MTREX: variants seen among roughly 807,000 people sequenced by gnomAD.
MTREX encodes the protein exosome RNA helicase MTR4.
A neutral mutation model predicts 135.4 loss-of-function variants in MTREX; 76 were observed. The observed-to-expected ratio is 0.56, with a 90% CI of 0.47 to 0.68. The LOEUF (loss-of-function observed/expected upper bound fraction) is 0.68, where lower values mean the gene tolerates loss of function less well. MTREX is among the 30% of genes least tolerant of loss of function. The pLI is 0.00. For synonymous variants in MTREX, 404 were observed against 401.6 expected (o/e 1.01, Z -0.07); for missense variants, 920 against 1,262.1 (o/e 0.73, Z 4.11).
chr5:55,414,190 G>T lies in MTREX; in HGVS notation c.2760G>T (p.Glu920Asp). The T allele has an allele frequency of 6.4e-7, 1 of 1,568,030 alleles. No individual in the cohort carries two copies. Among genetic ancestry groups the T allele is most frequent in the African/African-American group, 1.4e-5 (1 of 71,782 alleles). Residue 920 changes from glutamate (E) to aspartate (D), a missense_variant, in exon 24 of 27, where the codon GAG (glutamate) becomes GAT (aspartate). Glu to Asp is a conservative substitution (Grantham distance 45). Transcript: ENST00000230640. ...TTCCTTTTCTTTTATAGTCTAGTGA[G>T]ATGCCCAAATTAACAGAACAATTAG... is the stretch of plus-strand genomic sequence containing the variant. ...SCFVFQENSS[E>D]MPKLTEQLAG...
At chr5:55,326,230 C>G (rs978282428) in intron 3 of MTREX, among the ~76,000 whole-genome samples, 1 of 151,936 alleles carries the variant, frequency 6.6e-6, no homozygotes, top group African/African-American at 2.4e-5. Context: ...AACCCCGTCT[C>G]TACTAAAAAT....
intron 15 of MTREX, among the ~76,000 whole-genome samples, chr5:55,361,819 C>T (rs988481680): frequency 3.4e-4 from 51 of 150,976 alleles, no homozygotes; most frequent in Non-Finnish European, 6.3e-4. Context: ...TCTCGATCTT[C>T]TGGGCTCAAG....
chr5:55,362,747 A>G (rs1750038259), intron 15 of MTREX, among the ~76,000 whole-genome samples: 1 of 152,208 alleles, frequency 6.6e-6, no homozygotes, highest in African/African-American at 2.4e-5. Context: ...TTCAAATGAA[A>G]AGTTGAGTAA....
intron 1 of MTREX, among the ~76,000 whole-genome samples, chr5:55,318,751 C>T (rs1196567326): frequency 2.6e-5 from 4 of 151,970 alleles, no homozygotes. Context: ...TCACATGTAC[C>T]CCAAACCTAA....
intron 14 of MTREX, among the ~76,000 whole-genome samples, chr5:55,355,977 T>C (rs562410357): frequency 6.6e-6 from 1 of 152,226 alleles, no homozygotes; most frequent in East Asian, 1.9e-4. Context: ...AGTCAAAGGG[T>C]TAGGGAGACA....
intron 19 of MTREX, among the ~76,000 whole-genome samples, chr5:55,391,266 A>G (rs1311581677): frequency 6.6e-6 from 1 of 151,934 alleles, no homozygotes; most frequent in Non-Finnish European, 1.5e-5. Flanking sequence ...ACATAGTGAA[A>G]CCCTGTCTGT....
chr5:55,319,242 T>G (rs976768164), intron 1 of MTREX, among the ~76,000 whole-genome samples: 4 of 152,232 alleles, frequency 2.6e-5, no homozygotes, highest in Non-Finnish European at 5.9e-5. Flanking sequence ...GATACAGTAC[T>G]GTTACCTAAT....
At chr5:55,357,480 C>G (rs1328728291) in intron 14 of MTREX, 1 of 156,600 alleles carries the variant, frequency 6.4e-6, no homozygotes, top group African/African-American at 2.4e-5. Flanking sequence ...TCCAGCTAGA[C>G]ATCGTTGGAT....
chr5:55,327,843 T>C (rs1237098362), intron 4 of MTREX, 65 bp downstream of exon 4: 3 of 1,206,042 alleles, frequency 2.5e-6, no homozygotes, highest in Non-Finnish European at 3.6e-6. Context: ...AAAATTCTTA[T>C]TTCAAATGAG....
intron 19 of MTREX, 61 bp downstream of exon 19, chr5:55,388,163 A>G: frequency 6.9e-7 from 1 of 1,453,930 alleles, no homozygotes; most frequent in Non-Finnish European, 9.4e-7. Context: ...TGTCATCACC[A>G]AAGTTCTCCA....
At chr5:55,400,948 C>T (rs1044976082) in intron 21 of MTREX, among the ~76,000 whole-genome samples, 7 of 152,158 alleles carry the variant, frequency 4.6e-5, no homozygotes, top group African/African-American at 1.7e-4. Flanking sequence ...TTTCAGTTAG[C>T]ATGTCTTCAG....
chr5:55,343,841 T>C (rs1048003024), intron 8 of MTREX, among the ~76,000 whole-genome samples: 15 of 152,150 alleles, frequency 9.9e-5, no homozygotes, highest in Non-Finnish European at 4.4e-5. Flanking sequence ...CTCTGGAGCA[T>C]TTGATTTGAT....
intron 5 of MTREX, among the ~76,000 whole-genome samples, chr5:55,331,344 G>A (rs1344108900): frequency 6.6e-6 from 1 of 152,114 alleles, no homozygotes; most frequent in Non-Finnish European, 1.5e-5. Flanking sequence ...GTATAGTTAA[G>A]TTACTTGGAA....
intron 19 of MTREX, among the ~76,000 whole-genome samples, chr5:55,396,342 G>A (rs982396610): frequency 4.6e-5 from 7 of 152,146 alleles, no homozygotes; most frequent in African/African-American, 1.7e-4. Context: ...AATCTGAATA[G>A]GGATTGTATA....
intron 1 of MTREX, among the ~76,000 whole-genome samples, chr5:55,315,019 G>T (rs537086003): frequency 1.3e-5 from 2 of 152,322 alleles, no homozygotes; most frequent in South Asian, 4.1e-4. Flanking sequence ...GCCATGAACT[G>T]CCCAGGGGTT....
intron 5 of MTREX, among the ~76,000 whole-genome samples, chr5:55,339,530 A>G (rs1749609460): frequency 1.3e-5 from 2 of 152,368 alleles, no homozygotes; most frequent in South Asian, 2.1e-4. Flanking sequence ...GAAATTTTCC[A>G]TAATCAGAAC....
chr5:55,335,000 C>G (rs1749532329), intron 5 of MTREX, among the ~76,000 whole-genome samples: 1 of 152,046 alleles, frequency 6.6e-6, no homozygotes, highest in South Asian at 2.1e-4. Context: ...CTGCATCCTT[C>G]CCTGCTCTTG....
chr5:55,386,820 A>G (rs1171172263), intron 18 of MTREX, among the ~76,000 whole-genome samples: 1 of 152,042 alleles, frequency 6.6e-6, no homozygotes, highest in East Asian at 1.9e-4. Flanking sequence ...TTCATCTATC[A>G]CATTGTGTTA....
At chr5:55,316,850 A>G (rs535804956) in intron 1 of MTREX, among the ~76,000 whole-genome samples, 7 of 152,216 alleles carry the variant, frequency 4.6e-5, no homozygotes, top group Non-Finnish European at 8.8e-5. Flanking sequence ...AACTGTTTGC[A>G]GACAACATAA....
Sources: gnomAD v4.1 joint callset for allele counts (sites outside exome capture counted in the v4.1 genomes callset) on GRCh38, gnomAD v4.1.1 for gene constraint, MANE v1.5 for transcripts, NCBI Gene and HGNC (gene_info 2026-07-23, HGNC 2026-07-21) for gene names.